KDM5B: variants seen among roughly 807,000 people sequenced by gnomAD.
KDM5B encodes lysine demethylase 5B.
KDM5B carries 144 observed loss-of-function variants against 193.4 expected under a neutral mutation model. The observed-to-expected ratio is 0.74, with a 90% CI of 0.65 to 0.86. KDM5B has a LOEUF of 0.86. Among genes scored for constraint, KDM5B ranks in the 40% least tolerant of loss-of-function variants. KDM5B has a pLI of 0.00. For missense variants in KDM5B, 1,833 were observed against 1,886.9 expected (o/e 0.97, Z 0.53); for synonymous variants, 668 against 682.6 (o/e 0.98, Z 0.33).
At chr1:202,791,375 T>C (rs1390318922) in intron 1 of KDM5B, among the ~76,000 whole-genome samples, 2 of 152,212 alleles carry the variant, frequency 1.3e-5, no homozygotes, top group African/African-American at 4.8e-5. Context: ...TTCAGAAATA[T>C]CACCATTAAG....
At chr1:202,801,930 C>T (rs1439321493) in intron 1 of KDM5B, among the ~76,000 whole-genome samples, 1 of 151,938 alleles carries the variant, frequency 6.6e-6, no homozygotes, top group Non-Finnish European at 1.5e-5. Context: ...GAGACCCAAA[C>T]TTAAATTTGA....
intron 19 of KDM5B, 130 bp downstream of exon 19, chr1:202,741,237 T>A: frequency 1.8e-6 from 1 of 564,710 alleles, no homozygotes; most frequent in Non-Finnish European, 2.9e-6. Context: ...CTCAGCTATT[T>A]CTACATGTCT....
rs149141119 is a variant in KDM5B, at chr1:202,799,452, G to A, written c.204+8650C>T. On this transcript the variant is annotated intron_variant, in intron 1 of 26. Coordinates refer to ENST00000367265, the MANE Select transcript of KDM5B (RefSeq NM_006618.5). ...GCGGGTCACCTGAGGTCGGGAGTTC[G>A]AGACCAGCCTGACCAAGATGGAGAA... 8.8e-3 allele frequency among the ~76,000 whole-genome samples: 1,332 copies of A among 152,214 alleles called. 14 individuals carry two copies. The highest frequency in any genetic ancestry group is 0.03 in the African/African-American group (1,266 of 41,516).
intron 5 of KDM5B, chr1:202,766,287 C>T (rs1409425430): frequency 3.6e-5 from 9 of 249,494 alleles, no homozygotes; most frequent in South Asian, 3.5e-4. Context: ...GGGTGGATCA[C>T]GAGGTCAGGA....
At chr1:202,801,517 T>G (rs1250489329) in intron 1 of KDM5B, among the ~76,000 whole-genome samples, 1 of 152,232 alleles carries the variant, frequency 6.6e-6, no homozygotes, top group Non-Finnish European at 1.5e-5. Context: ...ATCTGGTTCA[T>G]AAACTTGGTT....
In KDM5B at chr1:202,808,259, G is replaced by C; in HGVS notation, c.47C>G (p.Pro16Arg). 6.2e-7 allele frequency: 1 copy of C among 1,609,812 alleles called. No homozygotes were observed. Among genetic ancestry groups the C allele is most frequent in the Non-Finnish European group, 8.5e-7 (1 of 1,178,612 alleles). The change falls in exon 1 of 27, where the codon CCC becomes CGC. Residue 16 changes from proline to arginine, a missense_variant. By Grantham distance (103) the Pro-to-Arg change is moderately radical. Transcript: ENST00000367265. The stretch of plus-strand genomic sequence containing the variant: ...GCCCAGCGGGCCCGGGCCCCCGAGG[G>C]GCAGCGCCGGGCGCGGGCCTGGGTG... ...TLHPGPRPAL[P>R]LGGPGPLGEF...
intron 3 of KDM5B, among the ~76,000 whole-genome samples, chr1:202,774,061 T>C (rs1289097617): frequency 1.3e-5 from 2 of 152,094 alleles, no homozygotes; most frequent in Non-Finnish European, 2.9e-5. Context: ...TTTTACCTTT[T>C]TATCACCCTG....
In KDM5B at chr1:202,747,184, G is replaced by C. The variant is rs550982603; in HGVS notation, c.2017-861C>G. Reference sequence around the variant, plus strand: ...TCTGCCAATTATATGGGCCAACAAAGATGAGGAAGGTAAGGAAAATGCTAA... The same window carrying C: ...TCTGCCAATTATATGGGCCAACAAACATGAGGAAGGTAAGGAAAATGCTAA... On this transcript the variant is annotated intron_variant, in intron 14 of 26. Coordinates refer to ENST00000367265, the MANE Select transcript of KDM5B (RefSeq NM_006618.5). 7.9e-5 allele frequency among the ~76,000 whole-genome samples: 12 copies of C among 152,204 alleles called. No individual in the cohort carries two copies. The South Asian group carries it at 2.5e-3, about 32-fold the overall frequency.
intron 23 of KDM5B, chr1:202,732,279 C>T (rs1042672610): frequency 8.0e-5 from 19 of 237,820 alleles, no homozygotes; most frequent in East Asian, 2.8e-4. Context: ...GATTAAAATA[C>T]GATGAACACA....
At position 202,730,013 on chromosome 1, in the gene KDM5B, T is replaced by A. The variant is rs372720681; in HGVS notation, c.4191A>T (p.Arg1397=). 3,098 of 1,610,200 alleles carry A rather than the reference T, an allele frequency of 1.9e-3. 97 individuals are homozygous for A. In the South Asian group the frequency reaches 0.032, roughly 17 times the overall value. Residue 1397 remains arginine (R), a synonymous_variant, in exon 26 of 27, where the codon CGA becomes CGT. Coordinates refer to ENST00000367265, the MANE Select transcript of KDM5B (RefSeq NM_006618.5). The part of the protein sequence containing the change: ...RPSSEKNDCC[R]GKRDGINSLE... ...GACTGTTAATTCCATCTCGCTTCCCTCGGCAACAGTCATTCTGGGTGGAAG... is the reference window on the plus strand; with the variant it reads ...GACTGTTAATTCCATCTCGCTTCCCACGGCAACAGTCATTCTGGGTGGAAG...
At chr1:202,729,679 C>T (rs892209715) in intron 26 of KDM5B, 28 bp downstream of exon 26, 11 of 1,589,014 alleles carry the variant, frequency 6.9e-6, no homozygotes, top group East Asian at 2.2e-5. Flanking sequence ...AGGGAAAGCA[C>T]GTCCTCTATG....
intron 11 of KDM5B, 117 bp from the exon 12 acceptor site, chr1:202,753,184 A>G: frequency 1.2e-6 from 1 of 828,254 alleles, no homozygotes; most frequent in Non-Finnish European, 1.9e-6. Flanking sequence ...GAATCCACAA[A>G]CTGACGAAAT....
intron 13 of KDM5B, among the ~76,000 whole-genome samples, chr1:202,750,339 C>T (rs1184802740): frequency 6.6e-6 from 1 of 152,192 alleles, no homozygotes; most frequent in East Asian, 1.9e-4. Context: ...AGTGCAATGG[C>T]GTGATCTTGG....
At chr1:202,750,864 ATTTTC>A in intron 12 of KDM5B, 86 bp from the exon 13 acceptor site, 3 of 1,389,538 alleles carry the variant, frequency 2.2e-6, no homozygotes, top group Admixed American at 2.2e-5. Flanking sequence ...CTATTAGATA[ATTTTC>A]AAAAAAAGGC....
chr1:202,770,844 G>T (rs1656683542), intron 4 of KDM5B, among the ~76,000 whole-genome samples: 1 of 152,130 alleles, frequency 6.6e-6, no homozygotes. Context: ...CAAAGAATGT[G>T]TATCACTTCC....
intron 14 of KDM5B, among the ~76,000 whole-genome samples, chr1:202,747,925 A>C (rs1443048025): frequency 1.3e-5 from 2 of 152,168 alleles, no homozygotes; most frequent in African/African-American, 4.8e-5. Context: ...TGATTCTAAA[A>C]TGTACATTAA....
In KDM5B at chr1:202,728,965, G is replaced by T; in HGVS notation, c.*71C>A. On this transcript the variant is annotated 3_prime_UTR_variant, in exon 27 of 27. Coordinates refer to ENST00000367265, the MANE Select transcript of KDM5B (RefSeq NM_006618.5). ...TGAGTACCAGTCCTGTAGCTTTGCTGAGATTTGAAGAAATCCTCTTGGTTG... is the reference window on the plus strand; with the variant it reads ...TGAGTACCAGTCCTGTAGCTTTGCTTAGATTTGAAGAAATCCTCTTGGTTG... 6.3e-7 allele frequency: 1 copy of T among 1,588,798 alleles called. No individual in the cohort carries two copies. Among genetic ancestry groups the T allele is most frequent in the Non-Finnish European group, 8.6e-7 (1 of 1,159,108 alleles).
chr1:202,741,340 CAAAG>C (rs1344009590), intron 19 of KDM5B, 23 bp downstream of exon 19: 47 of 1,487,344 alleles, frequency 3.2e-5, no homozygotes, highest in East Asian at 9.1e-5. Flanking sequence ...CCAACCTTCC[CAAAG>C]AAAGAGAAGT....
Position 202,733,880 on chromosome 1 carries a change from T to G in KDM5B, c.3430A>C (p.Thr1144Pro). 1 of 1,605,084 alleles carries G rather than the reference T, an allele frequency of 6.2e-7. No individual in the cohort carries two copies. Among genetic ancestry groups the G allele is most frequent in the Non-Finnish European group, 8.5e-7 (1 of 1,175,932 alleles). ...ESKETASAMA[T>P]LGEARLREME... ...TCCCTTAGGCGAGCTTCCCCAAGAGTTGCCATCTGAAAAAGAGTTAACAAT... is the reference window on the plus strand; with the variant it reads ...TCCCTTAGGCGAGCTTCCCCAAGAGGTGCCATCTGAAAAAGAGTTAACAAT... The change falls in exon 23 of 27, where the codon ACT (threonine) becomes CCT (proline). Residue 1144 changes from threonine to proline, a missense_variant. Thr to Pro is a conservative substitution (Grantham distance 38). Around this residue, in one of 3 missense-constraint regions of KDM5B, gnomAD observed 1,379 missense variants for 1,349.6 expected, o/e 1.02. Transcript: ENST00000367265.
Sources: allele counts gnomAD v4.1 joint callset (sites outside exome capture counted in the v4.1 genomes callset), GRCh38; gene constraint gnomAD v4.1.1; regional missense constraint gnomAD v4.1.1; transcripts MANE v1.5; gene names NCBI Gene and HGNC (gene_info 2026-07-23, HGNC 2026-07-21).